Variants in SRGAP1 observed in about 807,000 individuals in gnomAD.
SRGAP1 encodes the protein SLIT-ROBO Rho GTPase-activating protein 1.
A neutral mutation model predicts 121.9 loss-of-function variants in SRGAP1; 43 were observed. The observed-to-expected ratio is 0.35, with a 90% CI of 0.28 to 0.46. SRGAP1 has a LOEUF of 0.46. Ranked by LOEUF, SRGAP1 falls within the 20% of genes least tolerant of loss-of-function variation. The pLI is 1.00. For missense variants in SRGAP1, 1,102 were observed against 1,350.9 expected, an observed-to-expected ratio of 0.82 and a Z score of 2.89; for synonymous variants, 447 against 485.4, an observed-to-expected ratio of 0.92 and a Z score of 1.04.
intron 1 of SRGAP1, among the ~76,000 whole-genome samples, chr12:63,959,174 C>T (rs916176495): frequency 1.3e-5 from 2 of 152,134 alleles, no homozygotes; most frequent in Non-Finnish European, 2.9e-5. Flanking sequence ...CTACCCTAAT[C>T]GTCTGATTTA....
chr12:64,121,533 G>C lies in SRGAP1; in HGVS notation c.2225-4444G>C, dbSNP rs1325458359. On this transcript the variant is annotated intron_variant, in intron 18 of 21. Transcript: ENST00000355086. ...GCCTCCCAAAATGCTGGGATTGCAG[G>C]CGTGAGCCACCATGCCCAGCCTGTG... Among the ~76,000 whole-genome samples the C allele has an allele frequency of 3.3e-5, 5 of 152,242 alleles. No homozygotes were observed. The East Asian group carries it at 9.6e-4, about 29-fold the overall frequency.
intron 1 of SRGAP1, among the ~76,000 whole-genome samples, chr12:63,860,944 T>C (rs940141225): frequency 1.3e-5 from 2 of 151,890 alleles, no homozygotes; most frequent in Admixed American, 1.3e-4. Context: ...CAAGTAATGC[T>C]CTCACTTCAG....
At chr12:64,138,616 C>A (rs534345040) in intron 21 of SRGAP1, among the ~76,000 whole-genome samples, 1 of 150,870 alleles carries the variant, frequency 6.6e-6, no homozygotes. Context: ...CCACGCCTGG[C>A]TATCTGAAAT....
chr12:63,984,177 G>C, intron 2 of SRGAP1, 35 bp downstream of exon 2: 3 of 1,263,510 alleles, frequency 2.4e-6, no homozygotes, highest in Non-Finnish European at 3.2e-6. Flanking sequence ...CTTTCCAAGG[G>C]TGATATCCAT....
intron 1 of SRGAP1, among the ~76,000 whole-genome samples, chr12:63,865,744 C>T (rs974864341): frequency 6.6e-6 from 1 of 152,084 alleles, no homozygotes; most frequent in Non-Finnish European, 1.5e-5. Context: ...TGACCAGTGC[C>T]GGCTGCAGGT....
At chr12:63,896,941 T>C (rs1900774839) in intron 1 of SRGAP1, among the ~76,000 whole-genome samples, 4 of 152,308 alleles carry the variant, frequency 2.6e-5, no homozygotes, top group African/African-American at 9.6e-5. Flanking sequence ...CTGGGTTTCG[T>C]TCCCAAAATT....
At chr12:64,132,495 T>C (rs1262245980) in intron 21 of SRGAP1, among the ~76,000 whole-genome samples, 2 of 152,180 alleles carry the variant, frequency 1.3e-5, no homozygotes, top group Non-Finnish European at 2.9e-5. Flanking sequence ...AAAATCCAAA[T>C]AGGCCCACTA....
At chr12:63,885,918 C>T (rs906747856) in intron 1 of SRGAP1, among the ~76,000 whole-genome samples, 1 of 152,128 alleles carries the variant, frequency 6.6e-6, no homozygotes, top group South Asian at 2.1e-4. Context: ...GTAGAATCAT[C>T]GGTGGGAAGA....
chr12:64,112,016 C>A, intron 17 of SRGAP1, 30 bp downstream of exon 17: 1 of 1,554,806 alleles, frequency 6.4e-7, no homozygotes, highest in Non-Finnish European at 8.8e-7. Flanking sequence ...TCCTCCTCTC[C>A]CACCGAAAAT....
chr12:63,927,482 C>A (rs1018815217), intron 1 of SRGAP1, among the ~76,000 whole-genome samples: 5 of 152,196 alleles, frequency 3.3e-5, no homozygotes, highest in African/African-American at 1.2e-4. Flanking sequence ...CTGCATATTC[C>A]CTGTTTCTGA....
chr12:64,083,136 G>A (rs888813862), intron 10 of SRGAP1, among the ~76,000 whole-genome samples: 9 of 152,148 alleles, frequency 5.9e-5, no homozygotes, highest in South Asian at 4.1e-4. Flanking sequence ...AGTTAATGGC[G>A]CCCATCACAT....
chr12:63,930,396 G>A (rs1168903400), intron 1 of SRGAP1, among the ~76,000 whole-genome samples: 1 of 144,950 alleles, frequency 6.9e-6, no homozygotes, highest in Non-Finnish European at 1.5e-5. Context: ...TCTTTTATCA[G>A]AAAGCAATAT....
chr12:63,952,481 C>T (rs2032330877), intron 1 of SRGAP1, among the ~76,000 whole-genome samples: 1 of 151,946 alleles, frequency 6.6e-6, no homozygotes, highest in Non-Finnish European at 1.5e-5. Context: ...GTGCACTGCA[C>T]TACAGCCCAG....
At chr12:63,972,282 T>C (rs533758459) in intron 1 of SRGAP1, among the ~76,000 whole-genome samples, 56 of 152,352 alleles carry the variant, frequency 3.7e-4, no homozygotes, top group African/African-American at 1.2e-3. Context: ...AGGTATTCTC[T>C]TGTGGTAGAA....
intron 12 of SRGAP1, among the ~76,000 whole-genome samples, chr12:64,092,451 T>C (rs2036070170): frequency 6.6e-6 from 1 of 151,246 alleles, no homozygotes; most frequent in South Asian, 2.1e-4. Context: ...GTGGCATGTA[T>C]AAGGACATAC....
intron 1 of SRGAP1, among the ~76,000 whole-genome samples, chr12:63,921,095 T>C (rs1384689269): frequency 2.0e-5 from 3 of 152,180 alleles, no homozygotes; most frequent in African/African-American, 7.2e-5. Flanking sequence ...AATCTGGTAG[T>C]CATCTTTAAT....
intron 1 of SRGAP1, among the ~76,000 whole-genome samples, chr12:63,942,316 T>G (rs913257191): frequency 6.6e-6 from 1 of 152,268 alleles, no homozygotes; most frequent in Admixed American, 6.5e-5. Flanking sequence ...CTAGATTTTC[T>G]ATGTAATTAA....
rs537729280 is a variant in SRGAP1, at chr12:63,989,853, C to G, written c.264-57C>G. On this transcript the variant is annotated intron_variant, in intron 2 of 21. Transcript: ENST00000355086. ...TTTAGTTTGCCTTGGTGACTTCACT[C>G]ATCTGATTGGGGCAACTTTGAAATG... 728 of 1,424,628 alleles carry G rather than the reference C, an allele frequency of 5.1e-4. 1 individual carries two copies. Among genetic ancestry groups the G allele is most frequent in the Non-Finnish European group, 6.8e-4 (701 of 1,033,522 alleles). 88.2% of individuals were successfully genotyped at this position (1,424,628 alleles called of 1,614,324 possible). A position where few individuals can be genotyped will look rare whatever the true frequency, so the allele number is the denominator to read the frequency against.
intron 8 of SRGAP1, among the ~76,000 whole-genome samples, chr12:64,073,886 T>G (rs981886390): frequency 6.6e-6 from 1 of 151,988 alleles, no homozygotes; most frequent in African/African-American, 2.4e-5. Context: ...TTTTTTTGTT[T>G]GTTTGCTTTA....
Sources: allele counts gnomAD v4.1 joint callset (sites outside exome capture counted in the v4.1 genomes callset), GRCh38; gene constraint gnomAD v4.1.1; transcripts MANE v1.5; gene names NCBI Gene and HGNC (gene_info 2026-07-23, HGNC 2026-07-21).